Variants in SMIM36 observed in about 807,000 individuals in gnomAD.
SMIM36 encodes small integral membrane protein 36.
intron 4 of SMIM36, among the ~76,000 whole-genome samples, chr17:55,459,794 C>T (rs1424454387): frequency 8.6e-5 from 13 of 151,718 alleles, no homozygotes; most frequent in African/African-American, 1.5e-4. Flanking sequence ...CCCAGAAATT[C>T]GAGACCAGCT....
chr17:55,508,010 C>G lies in SMIM36; in HGVS notation c.*174+2869G>C, dbSNP rs1910109001. On this transcript the variant is annotated intron_variant, in intron 1 of 4. Transcript: ENST00000636752. ...GGCATGACTGGTGCTTTTACCAACACAAGCCTAAGGGACCCCTCTGGCTGC... is the reference window on the plus strand; with the variant it reads ...GGCATGACTGGTGCTTTTACCAACAGAAGCCTAAGGGACCCCTCTGGCTGC... 3.3e-5 allele frequency among the ~76,000 whole-genome samples: 5 copies of G among 152,194 alleles called. No individual in the cohort carries two copies. The South Asian group carries it at 1.0e-3, about 32-fold the overall frequency.
intron 4 of SMIM36, among the ~76,000 whole-genome samples, chr17:55,465,124 A>C (rs1316588254): frequency 1.3e-5 from 2 of 152,214 alleles, no homozygotes; most frequent in African/African-American, 4.8e-5. Flanking sequence ...CAAGTTCATA[A>C]ACAATCTGCT....
intron 3 of SMIM36, among the ~76,000 whole-genome samples, chr17:55,476,507 A>C (rs1442586579): frequency 6.6e-6 from 1 of 152,024 alleles, no homozygotes; most frequent in Non-Finnish European, 1.5e-5. Flanking sequence ...ACGGACACGC[A>C]TAATAGGCCA....
chr17:55,500,742 A>G (rs1242239686), intron 1 of SMIM36, among the ~76,000 whole-genome samples: 7 of 132,638 alleles, frequency 5.3e-5, no homozygotes, highest in Non-Finnish European at 9.3e-5. Flanking sequence ...CATTCATTTA[A>G]AAGTATTTCA....
the SMIM36 span, among the ~76,000 whole-genome samples, chr17:55,520,625 C>T: frequency 6.6e-6 from 1 of 152,150 alleles, no homozygotes; most frequent in South Asian, 2.1e-4. Flanking sequence ...TAATTCAGGT[C>T]CCAGGTAGGG....
intron 4 of SMIM36, among the ~76,000 whole-genome samples, chr17:55,455,718 G>A (rs1159381681): frequency 4.6e-5 from 7 of 152,074 alleles, no homozygotes; most frequent in South Asian, 2.1e-4. Context: ...GCTTGAATTC[G>A]GGAGGTTCGG....
intron 1 of SMIM36, among the ~76,000 whole-genome samples, chr17:55,507,619 C>A (rs1282631717): frequency 7.3e-6 from 1 of 136,908 alleles, no homozygotes; most frequent in Non-Finnish European, 1.6e-5. Context: ...GGGAGATATA[C>A]CTAATGCTAG....
the SMIM36 span, among the ~76,000 whole-genome samples, chr17:55,527,336 G>A: frequency 3.3e-5 from 5 of 152,120 alleles, no homozygotes; most frequent in Non-Finnish European, 7.3e-5. Flanking sequence ...TAACTTCTGA[G>A]AATATGGTTT....
At chr17:55,466,993 G>T (rs1909251364) in intron 4 of SMIM36, among the ~76,000 whole-genome samples, 152 bp downstream of exon 4, 1 of 152,196 alleles carries the variant, frequency 6.6e-6, no homozygotes, top group South Asian at 2.1e-4. Context: ...CCATCAGGGA[G>T]ATGCAGTTGA....
rs568105674 is a variant in SMIM36, at chr17:55,490,567, G to A, written c.*175-10987C>T. 7.2e-5 allele frequency among the ~76,000 whole-genome samples: 11 copies of A among 152,250 alleles called. No individual in the cohort carries two copies. In the Middle Eastern group the frequency reaches 0.01, roughly 141 times the overall value. On this transcript the variant is annotated intron_variant, in intron 1 of 4. Transcript: ENST00000636752. ...TGATATGGTCTCAGAGTGAGAGTGA[G>A]AAGTGAGCCAAATCTGCCGTATGGT...
chr17:55,516,844 G>A, the SMIM36 span, among the ~76,000 whole-genome samples: 1 of 152,138 alleles, frequency 6.6e-6, no homozygotes, highest in African/African-American at 2.4e-5. Context: ...ACAGGCATGA[G>A]CCACTGCAAC....
chr17:55,481,488 T>G (rs1468600551), intron 1 of SMIM36, among the ~76,000 whole-genome samples: 9 of 152,168 alleles, frequency 5.9e-5, no homozygotes, highest in African/African-American at 1.9e-4. Context: ...CTGGCAATGC[T>G]GTGATATTGC....
chr17:55,478,286 T>G (rs1326490538), intron 3 of SMIM36, among the ~76,000 whole-genome samples: 1 of 151,414 alleles, frequency 6.6e-6, no homozygotes. Context: ...CAGGCTGGAG[T>G]TCAGTGGTGT....
intron 4 of SMIM36, among the ~76,000 whole-genome samples, chr17:55,460,452 CA>C (rs1370109853): frequency 6.8e-6 from 1 of 148,090 alleles, no homozygotes; most frequent in Non-Finnish European, 1.5e-5. Context: ...AAAAACAAAA[CA>C]AAAAAAAAGA....
At chr17:55,511,615 T>G (rs1910183986), upstream of SMIM36, among the ~76,000 whole-genome samples, 1 of 152,178 alleles carries the variant, frequency 6.6e-6, no homozygotes, top group African/African-American at 2.4e-5. Context: ...CATGAGTTAC[T>G]GGATCATGGT....
intron 1 of SMIM36, among the ~76,000 whole-genome samples, chr17:55,501,892 C>G (rs1909991601): frequency 8.3e-6 from 1 of 120,628 alleles, no homozygotes; most frequent in African/African-American, 3.1e-5. Flanking sequence ...CGAGCCGAAG[C>G]AAGGCATTGC....
chr17:55,505,550 C>A lies in SMIM36; in HGVS notation c.*174+5329G>T, dbSNP rs367576623. Reference sequence around the variant, plus strand: ...AACCTTCATGCTAAAAACTCTCAATCAATTAGGTATTGATGGGACGTATCT... The same window carrying A: ...AACCTTCATGCTAAAAACTCTCAATAAATTAGGTATTGATGGGACGTATCT... On this transcript the variant is annotated intron_variant, in intron 1 of 4. Coordinates refer to ENST00000636752, the Ensembl canonical transcript of SMIM36. Among the ~76,000 whole-genome samples the A allele has an allele frequency of 5.8e-5, 4 of 69,266 alleles. 1 individual carries two copies. Among genetic ancestry groups the A allele is most frequent in the Non-Finnish European group, 6.8e-5 (3 of 44,102 alleles). The allele number at this position is 69,266 out of a possible 152,430, so 45.4% of individuals were successfully genotyped here.
At chr17:55,450,909 C>T (rs918539522) in intron 4 of SMIM36, among the ~76,000 whole-genome samples, 7 of 151,830 alleles carry the variant, frequency 4.6e-5, no homozygotes, top group African/African-American at 7.3e-5. Context: ...TTTTTTGAGA[C>T]GGAGTCTCGC....
intron 1 of SMIM36, among the ~76,000 whole-genome samples, chr17:55,488,871 G>A (rs905871705): frequency 6.7e-6 from 1 of 148,168 alleles, no homozygotes; most frequent in Non-Finnish European, 1.5e-5. Context: ...GCGTACACCT[G>A]GTAGCAGTAT....
Sources: gnomAD v4.1 joint callset for allele counts (sites outside exome capture counted in the v4.1 genomes callset) on GRCh38, gnomAD v4.1.1 for gene constraint, MANE v1.5 for transcripts, NCBI Gene and HGNC (gene_info 2026-07-23, HGNC 2026-07-21) for gene names.